The following PTAFR variants were observed in gnomAD, a reference collection of about 807,000 sequenced individuals.
The protein encoded by PTAFR is platelet activating factor receptor, also known as platelet-activating factor receptor.
In PTAFR, 8 loss-of-function variants were observed where a neutral mutation model predicts 14.7. The ratio of observed to expected loss-of-function variants is 0.54; its 90% CI spans 0.32 to 0.98. PTAFR has a LOEUF of 0.98. Ranked by LOEUF, PTAFR falls within the 50% of genes least tolerant of loss-of-function variation. PTAFR has a pLI of 0.04. For synonymous variants in PTAFR, 156 were observed against 176.5 expected (o/e 0.88, Z 0.92); for missense variants, 337 against 451.2 (o/e 0.75, Z 2.29).
intron 1 of PTAFR, among the ~76,000 whole-genome samples, chr1:28,170,265 A>C (rs1572040699): frequency 6.6e-6 from 1 of 152,174 alleles, no homozygotes; most frequent in East Asian, 1.9e-4. Flanking sequence ...AATACTGACT[A>C]AATAGACAGG....
In PTAFR at chr1:28,148,971, AC is replaced by A. The variant is rs1172791815; in HGVS notation, c.*1021del. 1 of 152,230 alleles carries A rather than the reference AC, an allele frequency of 6.6e-6. No individual in the cohort carries two copies. Among genetic ancestry groups the A allele is most frequent in the Non-Finnish European group, 1.5e-5 (1 of 68,072 alleles). 9.4% of individuals were successfully genotyped at this position (152,230 alleles called of 1,614,324 possible). A position where few individuals can be genotyped will look rare whatever the true frequency, so the allele number is the denominator to read the frequency against. ...TACTTAATTAGGGACTATTGTTGAG[AC>A]AGAAAGAGGAGGTGGGCATCTCCTT... On this transcript the variant is annotated 3_prime_UTR_variant, in exon 2 of 2. Transcript: ENST00000373857.
intron 1 of PTAFR, among the ~76,000 whole-genome samples, chr1:28,188,848 A>C (rs555729713): frequency 3.3e-5 from 5 of 152,358 alleles, no homozygotes; most frequent in Admixed American, 1.3e-4. Flanking sequence ...AACAAAAGAA[A>C]AACCCAATAG....
At chr1:28,192,354 G>A (rs552279766) in intron 1 of PTAFR, among the ~76,000 whole-genome samples, 28 of 152,032 alleles carry the variant, frequency 1.8e-4, no homozygotes, top group Non-Finnish European at 3.4e-4. Flanking sequence ...GAGGTCAGGA[G>A]TTCGAGACCA....
chr1:28,178,169 C>T (rs1041651019), upstream of PTAFR, among the ~76,000 whole-genome samples: 7 of 152,184 alleles, frequency 4.6e-5, no homozygotes, highest in African/African-American at 9.7e-5. Flanking sequence ...GTCTCAGCTC[C>T]GCTCTGGGTA....
chr1:28,154,316 G>A (rs1016738934), intron 1 of PTAFR, among the ~76,000 whole-genome samples: 1 of 152,126 alleles, frequency 6.6e-6, no homozygotes, highest in Non-Finnish European at 1.5e-5. Flanking sequence ...ATGGTGCCAG[G>A]ATCTCAGATC....
intron 1 of PTAFR, among the ~76,000 whole-genome samples, chr1:28,164,266 A>G (rs1646357928): frequency 6.6e-6 from 1 of 152,244 alleles, no homozygotes; most frequent in Non-Finnish European, 1.5e-5. Context: ...GTTGAGGTCA[A>G]AAGTACAAAA....
chr1:28,180,358 C>A (rs1016075478), upstream of PTAFR, among the ~76,000 whole-genome samples: 3 of 151,886 alleles, frequency 2.0e-5, no homozygotes, highest in Non-Finnish European at 4.4e-5. Context: ...CCACCCTGGG[C>A]GACAGAGCAA....
In PTAFR at chr1:28,188,549, G is replaced by T. The variant is rs552502195; in HGVS notation, c.-39+5173C>A. Among the ~76,000 whole-genome samples, 3 of 152,276 alleles carry T rather than the reference G, an allele frequency of 2.0e-5. No homozygotes were observed. The South Asian group carries it at 6.2e-4, about 32-fold the overall frequency. On this transcript the variant is annotated intron_variant, in intron 1 of 1. Transcript: ENST00000305392. ...AGGTCAGGAATTCGAGACCAGCACG[G>T]CCAACGTGGTGAAACCCCGTCTCTA... is the stretch of plus-strand genomic sequence containing the variant.
upstream of PTAFR, among the ~76,000 whole-genome samples, chr1:28,179,052 T>C (rs1333037256): frequency 2.6e-5 from 4 of 152,192 alleles, no homozygotes; most frequent in African/African-American, 7.2e-5. Flanking sequence ...TTGTCTCCCT[T>C]ACAGGCTTTT....
intron 1 of PTAFR, among the ~76,000 whole-genome samples, chr1:28,154,835 G>T (rs368020499): frequency 1.3e-5 from 2 of 148,964 alleles, no homozygotes; most frequent in East Asian, 2.0e-4. Context: ...AAAAAAAGTG[G>T]GGGGGGAGGG....
chr1:28,174,909 T>A (rs898857817), intron 1 of PTAFR, among the ~76,000 whole-genome samples: 5 of 152,160 alleles, frequency 3.3e-5, no homozygotes, highest in Non-Finnish European at 7.3e-5. Flanking sequence ...AACTCACAGA[T>A]CAGTGGTTTG....
intron 1 of PTAFR, among the ~76,000 whole-genome samples, chr1:28,156,449 T>C (rs1646265153): frequency 6.6e-6 from 1 of 152,134 alleles, no homozygotes; most frequent in South Asian, 2.1e-4. Context: ...AAGAGATGTG[T>C]AAAAAATGTA....
At position 28,150,786 on chromosome 1, in the gene PTAFR, T is replaced by G; in HGVS notation, c.236A>C (p.Asn79Thr). Residue 79 changes from asparagine (N) to threonine (T), a missense_variant, in exon 2 of 2, where the codon AAC becomes ACC. Coordinates refer to ENST00000373857, the MANE Select transcript of PTAFR (RefSeq NM_000952.5). This position sits in a 1 kb window ranked among gnomAD's most constrained non-coding sequence, Gnocchi z 6.3. The stretch of plus-strand genomic sequence containing the variant: ...TTTGGGGAGTATCCAGTTGCCCTGG[T>G]TTTGGTAGTAGACAATCCAAAGTGG... ...TLPLWIVYYQ[N>T]QGNWILPKFL... 6.2e-7 allele frequency: 1 copy of G among 1,614,138 alleles called. No individual in the cohort carries two copies.
At chr1:28,179,367 C>G (rs1009792222), upstream of PTAFR, among the ~76,000 whole-genome samples, 2 of 152,212 alleles carry the variant, frequency 1.3e-5, no homozygotes, top group Non-Finnish European at 2.9e-5. Context: ...CATGTGGCAA[C>G]TGCAGATCAG....
upstream of PTAFR, among the ~76,000 whole-genome samples, chr1:28,180,355 G>T (rs999645239): frequency 2.0e-5 from 3 of 152,054 alleles, no homozygotes; most frequent in Non-Finnish European, 4.4e-5. Context: ...TCTCCACCCT[G>T]GGCGACAGAG....
At chr1:28,187,288 G>A (rs1646614726) in intron 1 of PTAFR, among the ~76,000 whole-genome samples, 1 of 152,086 alleles carries the variant, frequency 6.6e-6, no homozygotes, top group South Asian at 2.1e-4. Flanking sequence ...ACATATGACA[G>A]AGTTGCCATT....
chr1:28,189,613 T>C (rs2149009479), intron 1 of PTAFR, among the ~76,000 whole-genome samples: 1 of 151,574 alleles, frequency 6.6e-6, no homozygotes, highest in South Asian at 2.1e-4. Context: ...ATTCCGTCTT[T>C]AAATAAATAA....
chr1:28,154,167 T>C (rs1646234503), intron 1 of PTAFR, among the ~76,000 whole-genome samples: 1 of 150,792 alleles, frequency 6.6e-6, no homozygotes, highest in Non-Finnish European at 1.5e-5. Context: ...GGTACCCTGC[T>C]AGGTGCTTCC....
chr1:28,172,847 T>C, intron 1 of PTAFR, among the ~76,000 whole-genome samples: 1 of 151,922 alleles, frequency 6.6e-6, no homozygotes, highest in Non-Finnish European at 1.5e-5. Context: ...ATCTGCAAAA[T>C]GCGGTGCCTG....
Sources: allele counts gnomAD v4.1 joint callset (sites outside exome capture counted in the v4.1 genomes callset), GRCh38; gene constraint gnomAD v4.1.1; non-coding constraint Gnocchi (gnomAD v3.1); transcripts MANE v1.5; gene names NCBI Gene and HGNC (gene_info 2026-07-23, HGNC 2026-07-21).